Variants in PRKN observed in about 807,000 individuals in gnomAD.
PRKN encodes the protein parkin RBR E3 ubiquitin protein ligase, also known as E3 ubiquitin-protein ligase parkin.
In PRKN, 56 loss-of-function variants were observed where a neutral mutation model predicts 59.5. The ratio of observed to expected loss-of-function variants is 0.94; its 90% CI spans 0.76 to 1.18. The LOEUF is 1.18. PRKN is among the 50% of genes most tolerant of loss of function. The pLI is 0.00. For missense variants in PRKN, 657 were observed against 596.4 expected (o/e 1.10, Z -1.06); for synonymous variants, 250 against 222.1 (o/e 1.13, Z -1.12).
chr6:161,406,916 G>A (rs748457403), intron 9 of PRKN, among the ~76,000 whole-genome samples: 2 of 152,110 alleles, frequency 1.3e-5, no homozygotes, highest in Non-Finnish European at 2.9e-5. Context: ...GAAGAGGAGC[G>A]TCTCGGCACT....
intron 6 of PRKN, among the ~76,000 whole-genome samples, chr6:161,885,582 G>A (rs191775466): frequency 6.6e-6 from 1 of 151,168 alleles, no homozygotes; most frequent in Non-Finnish European, 1.5e-5. Flanking sequence ...GGAGAATGGC[G>A]TGAACCCGGG....
chr6:161,785,918 G>GA lies in PRKN; in HGVS notation c.735-11dup. The GA allele has an allele frequency of 6.2e-7, 1 of 1,613,920 alleles. No homozygotes were observed. Among genetic ancestry groups the GA allele is most frequent in the East Asian group, 2.2e-5 (1 of 44,862 alleles). ...AACCAGGACGGGGCTCCTGCAGAGA[G>GA]AAAGGAAGATGTTTCCTCTAGTACC... On this transcript the variant is annotated splice_polypyrimidine_tract_variant and intron_variant, in intron 6 of 11. Transcript: ENST00000366898.
At chr6:162,332,887 G>T (rs1415630480) in intron 2 of PRKN, among the ~76,000 whole-genome samples, 1 of 151,984 alleles carries the variant, frequency 6.6e-6, no homozygotes, top group Admixed American at 6.6e-5. Context: ...TATGCCAAGG[G>T]GAGGTTTTTT....
At chr6:161,956,450 A>G (rs781525127) in intron 6 of PRKN, among the ~76,000 whole-genome samples, 11 of 152,180 alleles carry the variant, frequency 7.2e-5, no homozygotes, top group South Asian at 4.2e-4. Context: ...TCAGTGCAAA[A>G]TCAGTATGGC....
At chr6:162,088,683 A>T (rs1194387405) in intron 4 of PRKN, among the ~76,000 whole-genome samples, 1 of 152,166 alleles carries the variant, frequency 6.6e-6, no homozygotes, top group Non-Finnish European at 1.5e-5. Flanking sequence ...CGACATATCA[A>T]ATCTGAATAG....
At chr6:162,582,751 A>G (rs1187986283) in intron 1 of PRKN, among the ~76,000 whole-genome samples, 1 of 152,196 alleles carries the variant, frequency 6.6e-6, no homozygotes, top group African/African-American at 2.4e-5. Flanking sequence ...GGTCTCTAAA[A>G]AACTTATTGG....
At chr6:161,620,049 G>C (rs1347034755) in intron 7 of PRKN, among the ~76,000 whole-genome samples, 1 of 140,192 alleles carries the variant, frequency 7.1e-6, no homozygotes, top group Non-Finnish European at 1.5e-5. Flanking sequence ...GAGTGCAATG[G>C]TGTGATCTCA....
At chr6:161,849,510 C>T (rs1793337661) in intron 6 of PRKN, among the ~76,000 whole-genome samples, 1 of 152,100 alleles carries the variant, frequency 6.6e-6, no homozygotes, top group Admixed American at 6.5e-5. Context: ...CCACCCTGGC[C>T]TCACATGTTC....
intron 1 of PRKN, among the ~76,000 whole-genome samples, chr6:162,511,191 T>C (rs1273211010): frequency 6.6e-6 from 1 of 152,258 alleles, no homozygotes; most frequent in Non-Finnish European, 1.5e-5. Context: ...GTCTGCCTAA[T>C]TTAATATTAC....
intron 1 of PRKN, among the ~76,000 whole-genome samples, chr6:162,563,279 C>T (rs981318802): frequency 7.3e-5 from 11 of 149,850 alleles, no homozygotes; most frequent in East Asian, 5.9e-4. Flanking sequence ...ACTCCAGCTT[C>T]GGCGACAGAG....
intron 5 of PRKN, among the ~76,000 whole-genome samples, chr6:162,047,271 C>T (rs1051591048): frequency 1.3e-5 from 2 of 152,178 alleles, no homozygotes; most frequent in Non-Finnish European, 1.5e-5. Context: ...ATTTTCCACT[C>T]TCTACATTTA....
At chr6:161,747,925 C>G (rs909466447) in intron 7 of PRKN, among the ~76,000 whole-genome samples, 6 of 152,138 alleles carry the variant, frequency 3.9e-5, no homozygotes, top group African/African-American at 1.4e-4. Context: ...TCTTTAACTA[C>G]TATAAGGAGA....
intron 4 of PRKN, among the ~76,000 whole-genome samples, chr6:162,199,311 T>C (rs1424896493): frequency 1.3e-5 from 2 of 152,222 alleles, no homozygotes; most frequent in Non-Finnish European, 2.9e-5. Flanking sequence ...GTTCCTCTTT[T>C]CTTGGGCAAA....
chr6:161,533,991 C>T lies in PRKN; in HGVS notation c.1083+14863G>A, dbSNP rs570283245. On this transcript the variant is annotated intron_variant, in intron 9 of 11. Coordinates refer to ENST00000366898, the MANE Select transcript of PRKN (RefSeq NM_004562.3). The surrounding 1 kb of genome is among the most constrained non-coding windows in gnomAD (Gnocchi z 4.1). The stretch of plus-strand genomic sequence containing the variant: ...GTGACTTCAGTGAACCCCCTTTCCA[C>T]CTGTCCTCCTCGCCCTCACACTAGA... Among the ~76,000 whole-genome samples, 4 of 152,232 alleles carry T rather than the reference C, an allele frequency of 2.6e-5. No homozygotes were observed. In the South Asian group the frequency reaches 8.3e-4, roughly 32 times the overall value.
chr6:161,905,837 G>A (rs1308960611), intron 6 of PRKN, among the ~76,000 whole-genome samples: 1 of 149,272 alleles, frequency 6.7e-6, no homozygotes, highest in East Asian at 2.0e-4. Flanking sequence ...GGAAACGGCT[G>A]TAATCCCAGC....
At chr6:161,882,368 A>T (rs1473822600) in intron 6 of PRKN, among the ~76,000 whole-genome samples, 1 of 152,174 alleles carries the variant, frequency 6.6e-6, no homozygotes, top group Non-Finnish European at 1.5e-5. Flanking sequence ...TGCAAGAATC[A>T]GGCAGGTGGT....
chr6:161,874,772 T>C (rs1794618888), intron 6 of PRKN, among the ~76,000 whole-genome samples: 1 of 120,478 alleles, frequency 8.3e-6, no homozygotes, highest in African/African-American at 3.4e-5. Flanking sequence ...AAATATATAA[T>C]ATATAAAATG....
chr6:161,412,889 C>T (rs1300722899), intron 9 of PRKN, among the ~76,000 whole-genome samples: 3 of 152,170 alleles, frequency 2.0e-5, no homozygotes, highest in Non-Finnish European at 4.4e-5. Flanking sequence ...CTCACTCATT[C>T]CTTCACTCAC....
intron 6 of PRKN, among the ~76,000 whole-genome samples, chr6:161,878,806 TACAA>T (rs1562359891): frequency 6.6e-6 from 1 of 152,186 alleles, no homozygotes; most frequent in African/African-American, 2.4e-5. Context: ...TTGGTGCTCC[TACAA>T]ACATTCTTGC....
Sources: allele counts gnomAD v4.1 joint callset (sites outside exome capture counted in the v4.1 genomes callset), GRCh38; gene constraint gnomAD v4.1.1; non-coding constraint Gnocchi (gnomAD v3.1); transcripts MANE v1.5; gene names NCBI Gene and HGNC (gene_info 2026-07-23, HGNC 2026-07-21).